Variants in TMEM63A observed in about 807,000 individuals in gnomAD.
The protein encoded by TMEM63A is transmembrane protein 63A, also known as mechanosensitive cation channel TMEM63A.
A neutral mutation model predicts 100.6 loss-of-function variants in TMEM63A; 76 were observed. That is an observed-to-expected ratio of 0.76 (90% CI 0.63 to 0.91). TMEM63A has a LOEUF of 0.91. Ranked by LOEUF, TMEM63A falls within the 40% of genes least tolerant of loss-of-function variation. TMEM63A has a pLI of 0.00. For missense variants in TMEM63A, 876 were observed against 1,008.8 expected, an observed-to-expected ratio of 0.87 and a Z score of 1.78; for synonymous variants, 401 against 401.1, an observed-to-expected ratio of 1.00 and a Z score of 0.00.
intron 2 of TMEM63A, among the ~76,000 whole-genome samples, chr1:225,878,877 TACCTACCTACACACAC>T (rs767565514): frequency 8.5e-6 from 1 of 117,362 alleles, no homozygotes; most frequent in African/African-American, 3.7e-5. Flanking sequence ...CCTACCTACC[TACCTACCTACACACAC>T]ACACACACAC....
chr1:225,878,671 T>G lies in TMEM63A; in HGVS notation c.-15+549A>C, dbSNP rs536362601. On this transcript the variant is annotated intron_variant, in intron 2 of 24. Coordinates refer to ENST00000366835, the MANE Select transcript of TMEM63A (RefSeq NM_014698.3). ...TAAGATCCTACCTGCCCAAATCTGG[T>G]AAATCTAGAATTCCCAGGGGATTTT... Among the ~76,000 whole-genome samples, 351 of 152,300 alleles carry G rather than the reference T, an allele frequency of 2.3e-3. 3 individuals are homozygous for G. The highest frequency in any genetic ancestry group is 7.9e-3 in the African/African-American group (328 of 41,556).
At chr1:225,854,402 C>T (rs1249406248) in intron 18 of TMEM63A, among the ~76,000 whole-genome samples, 5 of 151,862 alleles carry the variant, frequency 3.3e-5, no homozygotes, top group East Asian at 1.9e-4. Flanking sequence ...GGGATGAGGG[C>T]GGTTGTGATG....
intron 14 of TMEM63A, chr1:225,860,200 T>C (rs1047982886): frequency 4.6e-5 from 7 of 152,618 alleles, no homozygotes; most frequent in African/African-American, 1.7e-4. Flanking sequence ...CACTTCAAGC[T>C]CATTCTGTGC....
Position 225,862,999 on chromosome 1 carries a change from CT to C in TMEM63A, c.747-149del. On this transcript the variant is annotated intron_variant, in intron 10 of 24. Coordinates refer to ENST00000366835, the MANE Select transcript of TMEM63A (RefSeq NM_014698.3). The surrounding 1 kb of genome is among the most constrained non-coding windows in gnomAD (Gnocchi z 5.1). ...CAGCGGAGACCTCTCTTCTCTTTGTCTTTTATCCTCCAAAAGGGGGAAATTT... is the reference window on the plus strand; with the variant it reads ...CAGCGGAGACCTCTCTTCTCTTTGTCTTTATCCTCCAAAAGGGGGAAATTT... The C allele has an allele frequency of 1.4e-6, 1 of 703,776 alleles. No homozygotes were observed. The allele number at this position is 703,776 out of a possible 1,614,324, so 43.6% of individuals were successfully genotyped here. A position where few individuals can be genotyped will look rare whatever the true frequency, so the allele number is the denominator to read the frequency against.
rs770955735 is a variant in TMEM63A, at chr1:225,849,979, C to T, written c.2004G>A (p.Val668=). ...KLEKGIHFAA[V]NQALAAPILC... is the part of the protein sequence containing the mutation. ...GGATGGGGGCTGCCAAGGCCTGGTT[C>T]ACAGCGGCAAAGTGGATCCCCTTCT... The change falls in exon 21 of 25, where the codon GTG becomes GTA. Residue 668 remains valine, a synonymous_variant. Coordinates refer to ENST00000366835, the MANE Select transcript of TMEM63A (RefSeq NM_014698.3). The T allele has an allele frequency of 2.5e-6, 4 of 1,614,204 alleles. No individual in the cohort carries two copies. Among genetic ancestry groups the T allele is most frequent in the Middle Eastern group, 1.6e-4 (1 of 6,062 alleles).
chr1:225,849,720 G>C (rs1376517492), intron 21 of TMEM63A, among the ~76,000 whole-genome samples, 192 bp downstream of exon 21: 2 of 152,164 alleles, frequency 1.3e-5, no homozygotes, highest in African/African-American at 4.8e-5. Flanking sequence ...ACCACATTCT[G>C]ACTAGACATG....
chr1:225,881,356 G>A (rs1052108415), intron 1 of TMEM63A, among the ~76,000 whole-genome samples: 2 of 152,216 alleles, frequency 1.3e-5, no homozygotes, highest in African/African-American at 4.8e-5. Context: ...AACAACACCT[G>A]TAAAGCACTT....
chr1:225,856,513 G>T, intron 17 of TMEM63A, 139 bp downstream of exon 17: 1 of 750,164 alleles, frequency 1.3e-6, no homozygotes, highest in Non-Finnish European at 2.2e-6. Flanking sequence ...CAGCCCTACT[G>T]CACGCCGAGT....
At chr1:225,870,449 C>A (rs936351673) in intron 6 of TMEM63A, among the ~76,000 whole-genome samples, 6 of 152,032 alleles carry the variant, frequency 3.9e-5, no homozygotes, top group Non-Finnish European at 7.4e-5. Context: ...TCCCCGCCCC[C>A]CCCCGCCTCC....
At chr1:225,841,812 C>T (rs2102771590), downstream of TMEM63A, among the ~76,000 whole-genome samples, 1 of 152,112 alleles carries the variant, frequency 6.6e-6, no homozygotes, top group South Asian at 2.1e-4. Context: ...CCATGTCAGC[C>T]AGGATAGTCT....
At chr1:225,868,146 A>G in intron 6 of TMEM63A, 116 bp from the exon 7 acceptor site, 1 of 1,338,596 alleles carries the variant, frequency 7.5e-7, no homozygotes, top group South Asian at 1.5e-5. Flanking sequence ...CGCTATCCCC[A>G]CATTTTTGTT....
chr1:225,847,184 C>G lies in TMEM63A; in HGVS notation c.2280G>C (p.Leu760Phe), dbSNP rs745358141. 1.2e-6 allele frequency: 2 copies of G among 1,613,134 alleles called. No homozygotes were observed. The highest frequency in any genetic ancestry group is 1.7e-6 in the Non-Finnish European group (2 of 1,179,996). The change falls in exon 24 of 25, where the codon TTG becomes TTC. Residue 760 changes from leucine (L) to phenylalanine (F), a missense_variant. By Grantham distance (22) the Leu-to-Phe change is conservative (BLOSUM62 0). Coordinates refer to ENST00000366835, the MANE Select transcript of TMEM63A (RefSeq NM_014698.3). Reference sequence around the variant, plus strand: ...GAGACAGTGCTGTCCTCTCCGAGGCCAAGCCGTTCAGAATCCGAGGCACGT... The same window carrying G: ...GAGACAGTGCTGTCCTCTCCGAGGCGAAGCCGTTCAGAATCCGAGGCACGT... ...TPYVPRILNG[L>F]ASERTALSPQ...
At chr1:225,880,733 C>G (rs547928286) in intron 1 of TMEM63A, among the ~76,000 whole-genome samples, 1 of 152,306 alleles carries the variant, frequency 6.6e-6, no homozygotes, top group East Asian at 1.9e-4. Context: ...CATGTGCAGG[C>G]AAGCGTCTGA....
In TMEM63A at chr1:225,846,729, C is replaced by A; in HGVS notation, c.*210G>T. ...CGACAAACCACTGGGGATGTCACCC[C>A]AGCTGCAGAGCTGGAAGCTTGTGCC... On this transcript the variant is annotated 3_prime_UTR_variant, in exon 25 of 25. Transcript: ENST00000366835. The A allele has an allele frequency of 3.3e-6, 1 of 300,304 alleles. No individual in the cohort carries two copies. The highest frequency in any genetic ancestry group is 6.2e-6 in the Non-Finnish European group (1 of 162,014). 18.6% of individuals were successfully genotyped at this position (300,304 alleles called of 1,614,324 possible). A position where few individuals can be genotyped will look rare whatever the true frequency, so the allele number is the denominator to read the frequency against.
At chr1:225,848,871 C>G (rs74150526) in intron 22 of TMEM63A, 26 bp downstream of exon 22, 2 of 1,537,598 alleles carry the variant, frequency 1.3e-6, no homozygotes, top group African/African-American at 1.4e-5. Flanking sequence ...AGGGCTTGAC[C>G]GGGCAGTGGG....
intron 22 of TMEM63A, 84 bp from the exon 23 acceptor site, chr1:225,848,638 A>C: frequency 7.1e-7 from 1 of 1,405,496 alleles, no homozygotes; most frequent in Non-Finnish European, 1.0e-6. Context: ...GACTATTAAC[A>C]CCCGGAATAA....
At chr1:225,842,889 A>C (rs1668547613), downstream of TMEM63A, among the ~76,000 whole-genome samples, 1 of 152,128 alleles carries the variant, frequency 6.6e-6, no homozygotes, top group African/African-American at 2.4e-5. Flanking sequence ...GAGGCTGTTA[A>C]TCTCTCAGAG....
chr1:225,848,449 A>G (rs1296876602), intron 23 of TMEM63A, 43 bp downstream of exon 23: 1 of 1,610,220 alleles, frequency 6.2e-7, no homozygotes, highest in Non-Finnish European at 8.5e-7. Flanking sequence ...AACCAAAGCA[A>G]AAAAAAGGGC....
downstream of TMEM63A, among the ~76,000 whole-genome samples, chr1:225,843,245 CAGG>C (rs1468421827): frequency 1.3e-5 from 2 of 152,098 alleles, no homozygotes; most frequent in African/African-American, 4.8e-5. Flanking sequence ...GGGAAATGAC[CAGG>C]AGAATGTATC....
Sources: allele counts gnomAD v4.1 joint callset (sites outside exome capture counted in the v4.1 genomes callset), GRCh38; gene constraint gnomAD v4.1.1; non-coding constraint Gnocchi (gnomAD v3.1); transcripts MANE v1.5; gene names NCBI Gene and HGNC (gene_info 2026-07-23, HGNC 2026-07-21).